Variants in FSIP1 observed in about 807,000 individuals in gnomAD.
FSIP1 encodes fibrous sheath interacting protein 1.
FSIP1 carries 65 observed loss-of-function variants against 60.9 expected under a neutral mutation model. The observed-to-expected ratio is 1.07, with a 90% CI of 0.87 to 1.31. The LOEUF is 1.31. FSIP1 is among the 40% of genes most tolerant of loss of function. The probability of loss-of-function intolerance (pLI) is 0.00; values close to 1 mark genes in which losing one functional copy is unlikely to be tolerated. For missense variants in FSIP1, 675 were observed against 665.5 expected, an observed-to-expected ratio of 1.01 and a Z score of -0.16; for synonymous variants, 209 against 221.2, an observed-to-expected ratio of 0.94 and a Z score of 0.49.
intron 5 of FSIP1, among the ~76,000 whole-genome samples, chr15:39,744,728 G>A (rs1896928154): frequency 2.4e-5 from 1 of 41,560 alleles, no homozygotes; most frequent in Non-Finnish European, 6.5e-5. Flanking sequence ...GGCTGAAGTA[G>A]TCTGTCTGTC....
intron 10 of FSIP1, among the ~76,000 whole-genome samples, chr15:39,662,855 T>C (rs1186848326): frequency 6.6e-6 from 1 of 152,148 alleles, no homozygotes; most frequent in Non-Finnish European, 1.5e-5. Context: ...TAATTGCATA[T>C]ATAAACGAAT....
intron 8 of FSIP1, among the ~76,000 whole-genome samples, chr15:39,728,151 G>A (rs1232196224): frequency 6.6e-6 from 1 of 152,006 alleles, no homozygotes; most frequent in Non-Finnish European, 1.5e-5. Flanking sequence ...ACAAACAAAT[G>A]GAAAAACATT....
rs150523458 is a variant in FSIP1, at chr15:39,611,244, A to G, written c.1699+6491T>C. On this transcript the variant is annotated intron_variant, in intron 11 of 11. Coordinates refer to ENST00000350221, the MANE Select transcript of FSIP1 (RefSeq NM_152597.5). ...AAAGTTGTCGGGGGGAGGGCGTTAA[A>G]GTATTGAGATTTTATATGTGATAAA... Among the ~76,000 whole-genome samples, 639 of 152,362 alleles carry G rather than the reference A, an allele frequency of 4.2e-3. 2 individuals carry two copies. Among genetic ancestry groups the G allele is most frequent in the African/African-American group, 0.014 (572 of 41,584 alleles).
At chr15:39,613,058 CA>C (rs752287921) in intron 11 of FSIP1, among the ~76,000 whole-genome samples, 129 of 151,974 alleles carry the variant, frequency 8.5e-4, no homozygotes, top group Admixed American at 2.5e-3. Context: ...TTAAAATACA[CA>C]ACTAGAAAAA....
chr15:39,631,272 C>A (rs189899452), intron 10 of FSIP1, among the ~76,000 whole-genome samples: 1 of 152,218 alleles, frequency 6.6e-6, no homozygotes, highest in African/African-American at 2.4e-5. Context: ...CTAGGCCCAA[C>A]TCCTCTTCTC....
At chr15:39,686,329 C>A (rs974520191) in intron 10 of FSIP1, among the ~76,000 whole-genome samples, 6 of 152,126 alleles carry the variant, frequency 3.9e-5, no homozygotes, top group African/African-American at 1.4e-4. Context: ...CTCACTTTAA[C>A]AAAAAATAAA....
chr15:39,618,194 C>T lies in FSIP1; in HGVS notation c.1240G>A (p.Glu414Lys). 2 of 1,613,344 alleles carry T rather than the reference C, an allele frequency of 1.2e-6. No homozygotes were observed. The highest frequency in any genetic ancestry group is 1.7e-6 in the Non-Finnish European group (2 of 1,179,364). The change falls in exon 11 of 12, where the codon GAA (glutamate) becomes AAA (lysine). Residue 414 changes from glutamate to lysine, a missense_variant. Physicochemically the swap from Glu to Lys is moderately conservative, Grantham distance 56. Transcript: ENST00000350221. The part of the protein sequence containing the change: ...SEEQLKCLLD[E>K]CILKQKSIIK... ...ATGGATTTTTGTTTAAGTATGCATT[C>T]ATCCAGAAGACACTTTAACTGTTCT...
intron 8 of FSIP1, among the ~76,000 whole-genome samples, chr15:39,735,254 G>A (rs912382341): frequency 1.3e-5 from 2 of 152,102 alleles, no homozygotes; most frequent in African/African-American, 4.8e-5. Context: ...AAAAATCATT[G>A]GGTGTACTTA....
intron 5 of FSIP1, among the ~76,000 whole-genome samples, chr15:39,749,854 A>G (rs1044699924): frequency 6.6e-6 from 1 of 152,028 alleles, no homozygotes; most frequent in Admixed American, 6.6e-5. Context: ...CCAAATCAGA[A>G]AGGAAGAAGT....
At chr15:39,638,666 ATAACT>A (rs771315569) in intron 10 of FSIP1, among the ~76,000 whole-genome samples, 6 of 152,244 alleles carry the variant, frequency 3.9e-5, no homozygotes, top group African/African-American at 1.4e-4. Context: ...TAGAAGACAA[ATAACT>A]TAACAAAATG....
At chr15:39,749,910 C>A (rs1897115353) in intron 5 of FSIP1, among the ~76,000 whole-genome samples, 1 of 151,682 alleles carries the variant, frequency 6.6e-6, no homozygotes, top group African/African-American at 2.4e-5. Context: ...ATGTAGAAAA[C>A]CTCACAGATT....
intron 10 of FSIP1, among the ~76,000 whole-genome samples, chr15:39,636,069 T>C (rs573411667): frequency 1.3e-5 from 2 of 152,204 alleles, no homozygotes; most frequent in Admixed American, 1.3e-4. Context: ...CCTCCAACAA[T>C]ATTATCTCCC....
At chr15:39,651,724 C>G (rs1403357762) in intron 10 of FSIP1, among the ~76,000 whole-genome samples, 1 of 152,176 alleles carries the variant, frequency 6.6e-6, no homozygotes, top group Non-Finnish European at 1.5e-5. Context: ...TCTATTAAAC[C>G]TCTGGAGATT....
chr15:39,748,483 C>A (rs1199797205), intron 5 of FSIP1, among the ~76,000 whole-genome samples: 1 of 152,104 alleles, frequency 6.6e-6, no homozygotes, highest in Admixed American at 6.6e-5. Context: ...CTTCCTTATG[C>A]AATTCCTGAC....
At chr15:39,762,223 A>G (rs1467148579) in intron 5 of FSIP1, among the ~76,000 whole-genome samples, 2 of 152,212 alleles carry the variant, frequency 1.3e-5, no homozygotes, top group African/African-American at 4.8e-5. Flanking sequence ...ACAGTTCTAC[A>G]AGATATCTGA....
intron 9 of FSIP1, among the ~76,000 whole-genome samples, chr15:39,725,461 G>A (rs1393484661): frequency 6.6e-6 from 1 of 152,152 alleles, no homozygotes; most frequent in African/African-American, 2.4e-5. Context: ...CCTTTCCCCT[G>A]AGGTTGCTTC....
intron 8 of FSIP1, 127 bp from the exon 9 acceptor site, chr15:39,726,874 A>C (rs367714302): frequency 9.0e-6 from 5 of 557,252 alleles, no homozygotes; most frequent in South Asian, 2.4e-5. Flanking sequence ...CACACACACA[A>C]CACACACAAA....
At chr15:39,770,293 A>G in intron 3 of FSIP1, 134 bp downstream of exon 3, 1 of 551,514 alleles carries the variant, frequency 1.8e-6, no homozygotes, top group East Asian at 3.3e-5. Context: ...CAAATAGTCT[A>G]TGTCTTTTTT....
intron 10 of FSIP1, among the ~76,000 whole-genome samples, chr15:39,647,910 C>A (rs567943178): frequency 1.3e-5 from 2 of 151,764 alleles, no homozygotes; most frequent in Middle Eastern, 3.4e-3. Context: ...AATATCACTA[C>A]GCTTTGCCCT....
Sources: gnomAD v4.1 joint callset for allele counts (sites outside exome capture counted in the v4.1 genomes callset) on GRCh38, gnomAD v4.1.1 for gene constraint, MANE v1.5 for transcripts, NCBI Gene and HGNC (gene_info 2026-07-23, HGNC 2026-07-21) for gene names.